IL18BP: variants seen among roughly 807,000 people sequenced by gnomAD.
IL18BP encodes interleukin-18-binding protein.
A neutral mutation model predicts 19.9 loss-of-function variants in IL18BP; 23 were observed. The ratio of observed to expected loss-of-function variants is 1.15; its 90% CI spans 0.83 to 1.64. The LOEUF is 1.64. IL18BP is among the 40% of genes most tolerant of loss of function. The pLI, the probability that IL18BP is intolerant of heterozygous loss-of-function variation, is 0.00. For missense variants in IL18BP, 239 were observed against 240.7 expected (o/e 0.99, Z 0.05); for synonymous variants, 107 against 101.0 (o/e 1.06, Z -0.35).
At position 72,000,673 on chromosome 11, in the gene IL18BP, G is replaced by C; in HGVS notation, c.235+116G>C. 8.6e-6 allele frequency: 7 copies of C among 813,820 alleles called. No homozygotes were observed. The South Asian group carries it at 9.6e-5, about 11-fold the overall frequency. The allele number at this position is 813,820 out of a possible 1,614,324, so 50.4% of individuals were successfully genotyped here. ...TACCACCAGCTGAGCCAGCTGGGCT[G>C]AGCACGCACCATTCTCCCTCCCCAA... On this transcript the variant is annotated intron_variant, in intron 3 of 5. Transcript: ENST00000393703.
Position 72,001,866 on chromosome 11 carries a change from C to A in IL18BP, c.*5C>A, listed in dbSNP as rs1955270516. 2 of 1,614,148 alleles carry A rather than the reference C, an allele frequency of 1.2e-6. No individual in the cohort carries two copies. The highest frequency in any genetic ancestry group is 1.6e-4 in the Middle Eastern group (1 of 6,062). On this transcript the variant is annotated 3_prime_UTR_variant, in exon 6 of 6. Coordinates refer to ENST00000393703, the MANE Select transcript of IL18BP (RefSeq NM_001039660.2). ...AGTCCACAGCAGCAGGGTTAAGACTCAGCACAGGGCCAGCAGCAGCACAAC... is the reference window on the plus strand; with the variant it reads ...AGTCCACAGCAGCAGGGTTAAGACTAAGCACAGGGCCAGCAGCAGCACAAC...
chr11:72,001,721 G>T, intron 5 of IL18BP, 63 bp from the exon 6 acceptor site: 3 of 1,613,264 alleles, frequency 1.9e-6, no homozygotes, highest in Non-Finnish European at 8.5e-7. Context: ...TGTAGCCTGG[G>T]GCAAAGTGAT....
chr11:72,004,747 G>A (rs987854742), downstream of IL18BP: 2 of 1,610,886 alleles, frequency 1.2e-6, no homozygotes, highest in Non-Finnish European at 1.7e-6. Context: ...ATGCTGGCTC[G>A]GCGCAGGGTC....
At chr11:72,007,009 C>T (rs1479062392), downstream of IL18BP, among the ~76,000 whole-genome samples, 1 of 152,216 alleles carries the variant, frequency 6.6e-6, no homozygotes, top group Non-Finnish European at 1.5e-5. Context: ...CTAGCCCTGC[C>T]TTTTTCTTCA....
downstream of IL18BP, chr11:72,005,944 G>A: frequency 8.9e-7 from 1 of 1,129,116 alleles, no homozygotes; most frequent in Non-Finnish European, 1.3e-6. Context: ...GGCCAGCCTT[G>A]GATTTTTAAA....
downstream of IL18BP, chr11:72,002,959 C>T (rs1955360943): frequency 4.3e-6 from 1 of 233,712 alleles, no homozygotes; most frequent in African/African-American, 2.2e-5. Flanking sequence ...CAAATCCCAC[C>T]CCAGTGCAAG....
chr11:72,000,404 G>C lies in IL18BP; in HGVS notation c.82G>C (p.Val28Leu). 6.2e-7 allele frequency: 1 copy of C among 1,614,036 alleles called. No homozygotes were observed. The highest frequency in any genetic ancestry group is 8.5e-7 in the Non-Finnish European group (1 of 1,180,020). The change falls in exon 3 of 6, where the codon GTC becomes CTC. Residue 28 changes from valine to leucine, a missense_variant. Coordinates refer to ENST00000393703, the MANE Select transcript of IL18BP (RefSeq NM_001039660.2). ...GTGTGCCCACGTCGTCACTCTCCTG[G>C]TCAGAGCCACACCTGTCTCGCAGAC... The part of the protein sequence containing the change: ...LLCAHVVTLL[V>L]RATPVSQTTT...
downstream of IL18BP, chr11:72,007,247 C>T (rs146335857): frequency 2.5e-5 from 41 of 1,612,724 alleles, no homozygotes; most frequent in African/African-American, 2.0e-4. Flanking sequence ...GCGGGTCTTA[C>T]GACCCGAGTC....
rs771495036 is a variant in IL18BP, at chr11:72,001,191, G to T, written c.236-10G>T. On this transcript the variant is annotated splice_polypyrimidine_tract_variant and intron_variant, in intron 3 of 5. Transcript: ENST00000393703. Reference sequence around the variant, plus strand: ...TCTTCTGAAGAGCTAACTGCTGCCTGTGTCCCTAGATGGAACGCTGAGCTT... The same window carrying T: ...TCTTCTGAAGAGCTAACTGCTGCCTTTGTCCCTAGATGGAACGCTGAGCTT... 2.5e-6 allele frequency: 4 copies of T among 1,614,012 alleles called. No individual in the cohort carries two copies. The South Asian group carries it at 3.3e-5, about 13-fold the overall frequency.
In IL18BP at chr11:72,001,979, T is replaced by A. The variant is rs1246109467; in HGVS notation, c.*118T>A. ...CTGCGTGGATGCGCAACACACCCCCTCCTTCTCTGCTTTGGGTCCCTTCTC... is the reference window on the plus strand; with the variant it reads ...CTGCGTGGATGCGCAACACACCCCCACCTTCTCTGCTTTGGGTCCCTTCTC... On this transcript the variant is annotated 3_prime_UTR_variant, in exon 6 of 6. Coordinates refer to ENST00000393703, the MANE Select transcript of IL18BP (RefSeq NM_001039660.2). 4.9e-6 allele frequency: 7 copies of A among 1,437,468 alleles called. No individual in the cohort carries two copies. In the African/African-American group the frequency reaches 5.7e-5, roughly 12 times the overall value. 89.0% of individuals were successfully genotyped at this position (1,437,468 alleles called of 1,614,324 possible).
At chr11:72,000,952 A>G (rs1445228991) in intron 3 of IL18BP, among the ~76,000 whole-genome samples, 2 of 152,216 alleles carry the variant, frequency 1.3e-5, no homozygotes, top group Non-Finnish European at 2.9e-5. Flanking sequence ...CATCCTGAGG[A>G]GACAGGTTCA....
intron 1 of IL18BP, chr11:71,999,651 C>T: frequency 3.1e-6 from 1 of 326,426 alleles, no homozygotes; most frequent in Non-Finnish European, 5.8e-6. Flanking sequence ...CACTGCCTCC[C>T]TGTGTGACTG....
downstream of IL18BP, chr11:72,004,518 T>C (rs1955538178): frequency 1.6e-6 from 2 of 1,253,564 alleles, no homozygotes; most frequent in Admixed American, 4.5e-5. Context: ...GTCAGGCCCT[T>C]GGAGAGAGGG....
chr11:72,000,670 G>A, intron 3 of IL18BP, 113 bp downstream of exon 3: 3 of 836,394 alleles, frequency 3.6e-6, no homozygotes, highest in East Asian at 2.6e-5. Flanking sequence ...AGCCAGCTGG[G>A]CTGAGCACGC....
rs573460986 is a variant in IL18BP at position 72,002,496 on chromosome 11, A to T, written c.*635A>T. On this transcript the variant is annotated 3_prime_UTR_variant, in exon 6 of 6. Transcript: ENST00000393703. ...TCCACACTGTATCTGTGTCATCCCC[A>T]CATGGGTCCTCATAAAGGATTATTC... 2 of 153,796 alleles carry T rather than the reference A, an allele frequency of 1.3e-5. No individual in the cohort carries two copies. Among genetic ancestry groups the T allele is most frequent in the East Asian group, 3.8e-4 (2 of 5,244 alleles). The allele number at this position is 153,796 out of a possible 1,614,324, so 9.5% of individuals were successfully genotyped here.
intron 2 of IL18BP, 119 bp downstream of exon 2, chr11:72,000,131 G>A (rs1955134427): frequency 2.7e-6 from 3 of 1,106,938 alleles, no homozygotes; most frequent in Admixed American, 2.1e-5. Flanking sequence ...ACCTGGTGCT[G>A]TTGCTTTAAG....
At chr11:72,005,173 A>C, downstream of IL18BP, 1 of 1,500,072 alleles carries the variant, frequency 6.7e-7, no homozygotes, top group Non-Finnish European at 8.9e-7. Flanking sequence ...CTAGATCAGC[A>C]GGTGGGATTC....
Position 71,999,035 on chromosome 11 carries a change from T to C in IL18BP, c.-59+16T>C. 2 of 396,416 alleles carry C rather than the reference T, an allele frequency of 5.0e-6. No homozygotes were observed. Among genetic ancestry groups the C allele is most frequent in the Non-Finnish European group, 1.0e-5 (2 of 199,902 alleles). 24.6% of individuals were successfully genotyped at this position (396,416 alleles called of 1,614,324 possible). On this transcript the variant is annotated intron_variant, in intron 1 of 5. Transcript: ENST00000393703. ...TAGGAGCCAGGTAGGAGTCTGGGAC[T>C]ACTAGTGAACCTAGACCTGTGGCTC... is the stretch of plus-strand genomic sequence containing the variant.
intron 2 of IL18BP, 30 bp from the exon 3 acceptor site, chr11:72,000,313 TCTCCAGAG>T (rs1955143731): frequency 1.3e-6 from 2 of 1,576,382 alleles, no homozygotes; most frequent in African/African-American, 2.7e-5. Context: ...GCCCACTCTG[TCTCCAGAG>T]CCGCTGACCT....
Sources: allele counts gnomAD v4.1 joint callset (sites outside exome capture counted in the v4.1 genomes callset), GRCh38; gene constraint gnomAD v4.1.1; transcripts MANE v1.5; gene names NCBI Gene and HGNC (gene_info 2026-07-23, HGNC 2026-07-21).